Variants in GFI1B observed in about 807,000 individuals in gnomAD.
The protein encoded by GFI1B is growth factor independent 1B transcriptional repressor, also known as zinc finger protein Gfi-1b.
In GFI1B, 20 loss-of-function variants were observed where a neutral mutation model predicts 35.3. The observed-to-expected ratio is 0.57, with a 90% CI of 0.40 to 0.82. The LOEUF is 0.82. Among genes scored for constraint, GFI1B ranks in the 40% least tolerant of loss-of-function variants. The pLI, the probability that GFI1B is intolerant of heterozygous loss-of-function variation, is 0.00. For missense variants in GFI1B, 430 were observed against 446.3 expected (o/e 0.96, Z 0.33); for synonymous variants, 178 against 177.6 (o/e 1.00, Z -0.02).
intron 1 of GFI1B, among the ~76,000 whole-genome samples, chr9:132,983,104 C>T: frequency 6.6e-6 from 1 of 151,990 alleles, no homozygotes; most frequent in East Asian, 1.9e-4. Flanking sequence ...CCTGGCCTGG[C>T]CCCACCAAGA....
intron 1 of GFI1B, among the ~76,000 whole-genome samples, chr9:132,963,969 G>C (rs1848410157): frequency 6.6e-6 from 1 of 152,134 alleles, no homozygotes; most frequent in Non-Finnish European, 1.5e-5. Context: ...GCTGGGCATG[G>C]GTGGCTCACA....
chr9:132,963,387 G>C (rs1848398091), intron 1 of GFI1B, among the ~76,000 whole-genome samples: 1 of 152,134 alleles, frequency 6.6e-6, no homozygotes, highest in Non-Finnish European at 1.5e-5. Context: ...GGCGAAGGCA[G>C]AATAATCTCT....
At chr9:132,978,376 AT>A (rs1159859088), upstream of GFI1B, 1 of 152,214 alleles carries the variant, frequency 6.6e-6, no homozygotes, top group Non-Finnish European at 1.5e-5. Flanking sequence ...TGACTTCCCT[AT>A]GCAAAATCGA....
chr9:132,948,246 T>C (rs1280574734), intron 1 of GFI1B, among the ~76,000 whole-genome samples: 2 of 151,900 alleles, frequency 1.3e-5, no homozygotes, highest in Non-Finnish European at 2.9e-5. Flanking sequence ...TAAACTGCGA[T>C]GAGGAAGCTG....
intron 1 of GFI1B, among the ~76,000 whole-genome samples, chr9:132,968,205 C>T (rs766335891): frequency 2.1e-4 from 32 of 152,028 alleles, no homozygotes; most frequent in South Asian, 6.2e-4. Flanking sequence ...GCCTCTATCT[C>T]CCAGGATCAA....
chr9:132,977,011 G>A (rs1848649730), upstream of GFI1B, among the ~76,000 whole-genome samples: 1 of 152,222 alleles, frequency 6.6e-6, no homozygotes, highest in Non-Finnish European at 1.5e-5. Flanking sequence ...AGGCTGAAGT[G>A]CAATGGTGCG....
intron 1 of GFI1B, among the ~76,000 whole-genome samples, chr9:132,967,407 G>A (rs2132604746): frequency 1.3e-5 from 2 of 152,256 alleles, no homozygotes; most frequent in Admixed American, 1.3e-4. Context: ...ACTGGCCTGG[G>A]CTCTTTTAGG....
upstream of GFI1B, among the ~76,000 whole-genome samples, chr9:132,978,270 G>T (rs1427074720): frequency 6.7e-6 from 1 of 150,082 alleles, no homozygotes; most frequent in Admixed American, 6.7e-5. Context: ...GAGGGAGGAA[G>T]AAAGAAAGGA....
intron 1 of GFI1B, among the ~76,000 whole-genome samples, chr9:132,979,841 C>T (rs549438779): frequency 1.6e-4 from 24 of 152,212 alleles, no homozygotes; most frequent in Admixed American, 4.6e-4. Context: ...TACATTTTTC[C>T]GGGGAGAAAG....
At chr9:132,961,099 TAA>T (rs1848355062) in intron 1 of GFI1B, among the ~76,000 whole-genome samples, 1 of 152,118 alleles carries the variant, frequency 6.6e-6, no homozygotes, top group South Asian at 2.1e-4. Flanking sequence ...GAATAAACTT[TAA>T]GTGTCAAAAG....
intron 1 of GFI1B, among the ~76,000 whole-genome samples, chr9:132,959,461 G>A (rs142948466): frequency 1.7e-4 from 26 of 152,316 alleles, no homozygotes; most frequent in African/African-American, 6.3e-4. Context: ...TCACAGCAAC[G>A]TGAGAACAGG....
At chr9:132,947,436 A>T (rs1381987163) in intron 1 of GFI1B, among the ~76,000 whole-genome samples, 1 of 150,792 alleles carries the variant, frequency 6.6e-6, no homozygotes, top group African/African-American at 2.4e-5. Context: ...AAAAAGAAAG[A>T]AAAAGAGAAT....
chr9:132,962,433 T>C (rs3011258), intron 1 of GFI1B: 201,724 of 367,430 alleles, frequency 0.55, 57,285 homozygotes, highest in African/African-American at 0.77. Flanking sequence ...CCTCCTCTCC[T>C]GGCCCATAAA....
At chr9:132,954,074 A>T (rs1213611094) in intron 1 of GFI1B, among the ~76,000 whole-genome samples, 2 of 152,118 alleles carry the variant, frequency 1.3e-5, no homozygotes, top group African/African-American at 4.8e-5. Flanking sequence ...TTATAAAAAT[A>T]TTGTTATTAT....
chr9:132,968,719 G>A (rs1216553193), intron 1 of GFI1B, among the ~76,000 whole-genome samples: 1 of 152,078 alleles, frequency 6.6e-6, no homozygotes, highest in Non-Finnish European at 1.5e-5. Context: ...ACTTCACCCC[G>A]CTGTACCTCT....
chr9:132,953,315 A>C (rs932971461), intron 1 of GFI1B: 1 of 152,222 alleles, frequency 6.6e-6, no homozygotes, highest in Non-Finnish European at 1.5e-5. Context: ...ATCTATATTC[A>C]GTGGCTACTA....
Position 132,981,303 on chromosome 9 carries a change from C to CT in GFI1B, c.-21+2465dup, listed in dbSNP as rs548788478. Reference sequence around the variant, plus strand: ...TATAAACATGAGTATGCAGATATCTCTTTGAGTCTCCCCTTCCAATGATTT... The same window carrying CT: ...TATAAACATGAGTATGCAGATATCTCTTTTGAGTCTCCCCTTCCAATGATTT... On this transcript the variant is annotated intron_variant, in intron 1 of 6. Coordinates refer to ENST00000372122, the MANE Select transcript of GFI1B (RefSeq NM_001377304.1). Among the ~76,000 whole-genome samples, 22 of 152,304 alleles carry CT rather than the reference C, an allele frequency of 1.4e-4. 1 individual carries two copies. In the South Asian group the frequency reaches 4.6e-3, roughly 32 times the overall value.
chr9:132,989,252 C>A lies in GFI1B; in HGVS notation c.648+54C>A. 6.4e-7 allele frequency: 1 copy of A among 1,565,444 alleles called. No homozygotes were observed. The highest frequency in any genetic ancestry group is 8.7e-7 in the Non-Finnish European group (1 of 1,145,212). ...CAGCCCCACTCCTTCTCTGTGCTTC[C>A]CCAGGGAGCCTGGGGGCTGTGGCTG... On this transcript the variant is annotated intron_variant, in intron 5 of 6. Transcript: ENST00000372122. This position sits in a 1 kb window ranked among gnomAD's most constrained non-coding sequence, Gnocchi z 6.2.
upstream of GFI1B, among the ~76,000 whole-genome samples, chr9:132,976,947 A>AAAT (rs532295776): frequency 4.5e-4 from 69 of 151,960 alleles, no homozygotes; most frequent in Middle Eastern, 3.4e-3. Context: ...GTCTCTAAGA[A>AAAT]AATAATAATA....
Sources: gnomAD v4.1 joint callset for allele counts (sites outside exome capture counted in the v4.1 genomes callset) on GRCh38, gnomAD v4.1.1 for gene constraint, Gnocchi (gnomAD v3.1) non-coding constraint, MANE v1.5 for transcripts, NCBI Gene and HGNC (gene_info 2026-07-23, HGNC 2026-07-21) for gene names.